Variants in PTPN4 observed in about 807,000 individuals in gnomAD.
PTPN4 encodes the protein protein tyrosine phosphatase non-receptor type 4.
Under a neutral mutation model 135.5 loss-of-function variants are expected in PTPN4, and 49 were observed. That is an observed-to-expected ratio of 0.36 (90% CI 0.29 to 0.46). The LOEUF (loss-of-function observed/expected upper bound fraction) is 0.46. Ranked by LOEUF, PTPN4 falls within the 20% of genes least tolerant of loss-of-function variation. The probability of loss-of-function intolerance (pLI) is 1.00; values close to 1 mark genes in which losing one functional copy is unlikely to be tolerated. For synonymous variants in PTPN4, 333 were observed against 369.9 expected (o/e 0.90, Z 1.14); for missense variants, 860 against 1,101.0 (o/e 0.78, Z 3.10).
intron 2 of PTPN4, among the ~76,000 whole-genome samples, chr2:119,855,866 C>T (rs573516386): frequency 2.6e-5 from 4 of 152,108 alleles, no homozygotes; most frequent in Middle Eastern, 6.8e-3. Context: ...TGCAGTGGCG[C>T]GATCTCAGCT....
chr2:119,823,776 G>C (rs1471844243), intron 2 of PTPN4, among the ~76,000 whole-genome samples: 3 of 152,168 alleles, frequency 2.0e-5, no homozygotes, highest in Non-Finnish European at 4.4e-5. Flanking sequence ...GAGCCTTTAT[G>C]AGTGCCGTTT....
At chr2:119,972,351 G>A (rs1317686833) in intron 26 of PTPN4, among the ~76,000 whole-genome samples, 3 of 152,094 alleles carry the variant, frequency 2.0e-5, no homozygotes, top group African/African-American at 7.2e-5. Context: ...TGCAAGTCTT[G>A]CGTTTATTTA....
At chr2:119,790,664 T>G (rs1490417597) in intron 1 of PTPN4, among the ~76,000 whole-genome samples, 1 of 152,134 alleles carries the variant, frequency 6.6e-6, no homozygotes, top group Non-Finnish European at 1.5e-5. Context: ...TTGATTTGAG[T>G]ATTTAGTCCA....
intron 2 of PTPN4, among the ~76,000 whole-genome samples, chr2:119,814,053 CTA>C (rs1676949013): frequency 6.6e-6 from 1 of 152,092 alleles, no homozygotes; most frequent in African/African-American, 2.4e-5. Context: ...ACACACACAT[CTA>C]TCTTTTAAAT....
chr2:119,929,896 TG>T (rs1465960695), intron 13 of PTPN4, among the ~76,000 whole-genome samples: 7 of 152,192 alleles, frequency 4.6e-5, no homozygotes, highest in African/African-American at 1.4e-4. Flanking sequence ...TGAAAGTAGT[TG>T]ATCTATTGAT....
At chr2:119,862,199 T>C (rs1038946466) in intron 2 of PTPN4, among the ~76,000 whole-genome samples, 3 of 152,218 alleles carry the variant, frequency 2.0e-5, no homozygotes, top group Non-Finnish European at 4.4e-5. Flanking sequence ...ATTTATTATA[T>C]GCTCTTTAAA....
intron 1 of PTPN4, among the ~76,000 whole-genome samples, chr2:119,768,817 A>T (rs921665923): frequency 6.6e-6 from 1 of 152,210 alleles, no homozygotes; most frequent in African/African-American, 2.4e-5. Flanking sequence ...TCATTTAATC[A>T]GGACAGAAAT....
chr2:119,822,356 C>A (rs1041826432), intron 2 of PTPN4, among the ~76,000 whole-genome samples: 17 of 114,108 alleles, frequency 1.5e-4, no homozygotes, highest in African/African-American at 4.9e-4. Context: ...AGTATCCCCT[C>A]CCCCCCCCTT....
intron 8 of PTPN4, among the ~76,000 whole-genome samples, chr2:119,883,594 G>T (rs1355037835): frequency 6.6e-6 from 1 of 152,210 alleles, no homozygotes; most frequent in Non-Finnish European, 1.5e-5. Flanking sequence ...CTAAGGCAGT[G>T]TTGCGTATTG....
rs555134664 is a variant in PTPN4, at chr2:119,908,881, C to T, written c.765-6298C>T. ...CCAAATGATACAAAAGTGAAACAGCCTTATTGTTGATATGGAGAGTATCTT... is the reference window on the plus strand; with the variant it reads ...CCAAATGATACAAAAGTGAAACAGCTTTATTGTTGATATGGAGAGTATCTT... On this transcript the variant is annotated intron_variant, in intron 10 of 26. Transcript: ENST00000263708. 2.6e-5 allele frequency among the ~76,000 whole-genome samples: 4 copies of T among 152,230 alleles called. No homozygotes were observed. The East Asian group carries it at 7.7e-4, about 29-fold the overall frequency.
chr2:119,867,128 A>G (rs976682626), intron 3 of PTPN4, among the ~76,000 whole-genome samples: 13 of 152,170 alleles, frequency 8.5e-5, no homozygotes, highest in African/African-American at 2.9e-4. Flanking sequence ...GAGAAGGGGT[A>G]AAAGATGAGA....
intron 2 of PTPN4, among the ~76,000 whole-genome samples, chr2:119,841,893 G>A (rs1436974866): frequency 6.6e-6 from 1 of 152,062 alleles, no homozygotes; most frequent in East Asian, 1.9e-4. Flanking sequence ...AAAATTTGCT[G>A]GTGTTTGAGG....
intron 2 of PTPN4, among the ~76,000 whole-genome samples, chr2:119,860,879 A>G (rs755596437): frequency 3.3e-5 from 5 of 152,012 alleles, no homozygotes; most frequent in Non-Finnish European, 5.9e-5. Flanking sequence ...TGGCTCTACT[A>G]AAAATACAAA....
At position 119,945,108 on chromosome 2, in the gene PTPN4, G is replaced by C. The variant is rs187924172; in HGVS notation, c.1383G>C (p.Lys461Asn). ...CACAAGAGACCCCTGGAGATGGGAAGCCTCCAGCTTTACCACCCAAACAGT... is the reference window on the plus strand; with the variant it reads ...CACAAGAGACCCCTGGAGATGGGAACCCTCCAGCTTTACCACCCAAACAGT... ...SPSQETPGDG[K>N]PPALPPKQSK... is the part of the protein sequence containing the mutation. The change falls in exon 16 of 27, where the codon AAG becomes AAC. Residue 461 changes from lysine to asparagine, a missense_variant. Lys to Asn is a moderately conservative substitution (Grantham distance 94). This residue lies in a region of PTPN4 where 684 missense variants were observed against 807.0 expected (regional missense o/e 0.85). Transcript: ENST00000263708. 3 of 1,605,168 alleles carry C rather than the reference G, an allele frequency of 1.9e-6. No homozygotes were observed. Among genetic ancestry groups the C allele is most frequent in the Non-Finnish European group, 2.5e-6 (3 of 1,177,132 alleles).
At chr2:119,973,124 G>A (rs545424019) in intron 26 of PTPN4, among the ~76,000 whole-genome samples, 5 of 151,202 alleles carry the variant, frequency 3.3e-5, no homozygotes, top group Middle Eastern at 3.4e-3. Context: ...GCAATTTCTT[G>A]CAAAACCAAA....
intron 1 of PTPN4, among the ~76,000 whole-genome samples, chr2:119,776,417 G>A (rs760568726): frequency 5.3e-5 from 8 of 152,082 alleles, no homozygotes; most frequent in African/African-American, 1.2e-4. Context: ...CTTGTGATCC[G>A]CCCTCCTCGG....
chr2:119,775,807 C>CTATATCTA (rs1196351155), intron 1 of PTPN4, among the ~76,000 whole-genome samples: 8 of 7,872 alleles, frequency 1.0e-3, no homozygotes, highest in Non-Finnish European at 4.8e-3. Flanking sequence ...TTGTGGATAT[C>CTATATCTA]TATATCTATA....
intron 2 of PTPN4, among the ~76,000 whole-genome samples, chr2:119,834,389 TCTGCACA>T (rs1328856124): frequency 6.6e-6 from 1 of 152,068 alleles, no homozygotes; most frequent in Non-Finnish European, 1.5e-5. Context: ...ATTTTTCCTT[TCTGCACA>T]CTGGAGATTT....
intron 13 of PTPN4, 186 bp from the exon 14 acceptor site, chr2:119,932,238 T>G (rs1428347609): frequency 6.6e-6 from 3 of 453,578 alleles, no homozygotes; most frequent in Admixed American, 8.1e-5. Context: ...ATTCTTCATA[T>G]AAAGCCAATG....
Sources: gnomAD v4.1 joint callset for allele counts (sites outside exome capture counted in the v4.1 genomes callset) on GRCh38, gnomAD v4.1.1 for gene constraint, gnomAD v4.1.1 regional missense constraint, MANE v1.5 for transcripts, NCBI Gene and HGNC (gene_info 2026-07-23, HGNC 2026-07-21) for gene names.